Variants in NEGR1 observed in about 807,000 individuals in gnomAD.
NEGR1 encodes the protein IgLON family member 4.
In NEGR1, 10 loss-of-function variants were observed where a neutral mutation model predicts 40.9. That is an observed-to-expected ratio of 0.24 (90% CI 0.15 to 0.42). The LOEUF (loss-of-function observed/expected upper bound fraction) is 0.42, where lower values mean the gene tolerates loss of function less well. NEGR1 is among the 10% of genes least tolerant of loss of function. NEGR1 has a pLI of 1.00. For synonymous variants in NEGR1, 185 were observed against 166.8 expected (o/e 1.11, Z -0.84); for missense variants, 352 against 438.9 (o/e 0.80, Z 1.77).
In NEGR1 at chr1:71,930,754, C is replaced by A. The variant is rs1645847781; in HGVS notation, c.409+4325G>T. 3.3e-5 allele frequency among the ~76,000 whole-genome samples: 5 copies of A among 152,064 alleles called. No homozygotes were observed. In the South Asian group the frequency reaches 1.0e-3, roughly 31 times the overall value. Reference sequence around the variant, plus strand: ...GTGCAAGATGTTTATTAGGAAATATCCTTGTGATCAGCCGCTGGGGACGGA... The same window carrying A: ...GTGCAAGATGTTTATTAGGAAATATACTTGTGATCAGCCGCTGGGGACGGA... On this transcript the variant is annotated intron_variant, in intron 2 of 6. Transcript: ENST00000357731.
chr1:71,936,662 AG>A (rs893630740), intron 1 of NEGR1, among the ~76,000 whole-genome samples: 1 of 152,230 alleles, frequency 6.6e-6, no homozygotes, highest in Non-Finnish European at 1.5e-5. Flanking sequence ...ATATGGTAAA[AG>A]GCATGAGAGA....
At chr1:72,278,579 G>A (rs1367886529) in intron 1 of NEGR1, among the ~76,000 whole-genome samples, 1 of 151,956 alleles carries the variant, frequency 6.6e-6, no homozygotes, top group African/African-American at 2.4e-5. Context: ...TGAAATTTAT[G>A]TATTGTTCTA....
intron 6 of NEGR1, among the ~76,000 whole-genome samples, chr1:71,436,971 G>C (rs1646513867): frequency 6.6e-6 from 1 of 152,030 alleles, no homozygotes; most frequent in African/African-American, 2.4e-5. Context: ...CACCTGCATA[G>C]GGGCTTAGGG....
chr1:71,524,240 C>G (rs550215955), intron 6 of NEGR1, among the ~76,000 whole-genome samples: 1 of 150,988 alleles, frequency 6.6e-6, no homozygotes, highest in East Asian at 2.0e-4. Flanking sequence ...GTTATAGATG[C>G]CTTCTCTAAC....
chr1:71,779,748 T>A (rs1656635001), intron 2 of NEGR1, among the ~76,000 whole-genome samples: 1 of 151,948 alleles, frequency 6.6e-6, no homozygotes. Context: ...TCATATTTTT[T>A]AATAGAGATG....
intron 1 of NEGR1, among the ~76,000 whole-genome samples, chr1:72,135,404 C>CAAAAAAAAAAAA (rs562148946): frequency 1.5e-5 from 1 of 65,794 alleles, no homozygotes; most frequent in African/African-American, 7.9e-5. Context: ...AAACAAAAAA[C>CAAAAAAAAAAAA]AAAAAAAAAA....
chr1:72,281,397 CATGTGAGG>C (rs1293679552), intron 1 of NEGR1, among the ~76,000 whole-genome samples: 1 of 148,166 alleles, frequency 6.7e-6, no homozygotes, highest in African/African-American at 2.7e-5. Context: ...AGTGCCAGTG[CATGTGAGG>C]ATGTGAGAGT....
At chr1:72,101,688 T>C (rs564845177) in intron 1 of NEGR1, among the ~76,000 whole-genome samples, 2 of 152,218 alleles carry the variant, frequency 1.3e-5, no homozygotes, top group Non-Finnish European at 2.9e-5. Flanking sequence ...ATCACATAAC[T>C]GAGACCTTTG....
intron 1 of NEGR1, among the ~76,000 whole-genome samples, chr1:72,055,056 AAC>A (rs1216704669): frequency 6.6e-6 from 1 of 151,232 alleles, no homozygotes; most frequent in African/African-American, 2.4e-5. Flanking sequence ...TTAGCAAGTT[AAC>A]ACATTCAATA....
chr1:71,585,052 C>T (rs1182207494), intron 6 of NEGR1, among the ~76,000 whole-genome samples: 1 of 152,014 alleles, frequency 6.6e-6, no homozygotes, highest in East Asian at 1.9e-4. Flanking sequence ...AATGATTAGG[C>T]CAGCAGTGCT....
chr1:72,139,168 A>G (rs1172245670), intron 1 of NEGR1, among the ~76,000 whole-genome samples: 1 of 151,546 alleles, frequency 6.6e-6, no homozygotes, highest in East Asian at 1.9e-4. Context: ...GGGAAATTTT[A>G]TAGCATTAAT....
Position 72,105,141 on chromosome 1 carries a change from T to C in NEGR1, c.177-169830A>G, listed in dbSNP as rs956258146. 5.3e-5 allele frequency among the ~76,000 whole-genome samples: 8 copies of C among 152,122 alleles called. No homozygotes were observed. The South Asian group carries it at 1.7e-3, about 32-fold the overall frequency. On this transcript the variant is annotated intron_variant, in intron 1 of 6. Transcript: ENST00000357731. ...AGTTAAAGACAATAAATTCAATCTT[T>C]CCTGCCTCCAAACTATTCTCTATAC...
intron 6 of NEGR1, among the ~76,000 whole-genome samples, chr1:71,509,917 A>G (rs962706243): frequency 6.6e-6 from 1 of 152,234 alleles, no homozygotes; most frequent in Non-Finnish European, 1.5e-5. Context: ...CTTGTGCTAG[A>G]CATAATAATA....
intron 4 of NEGR1, among the ~76,000 whole-genome samples, chr1:71,627,346 G>A (rs1650820620): frequency 1.3e-5 from 2 of 152,006 alleles, no homozygotes; most frequent in Non-Finnish European, 2.9e-5. Context: ...AATATCACAT[G>A]TAACACTATA....
At chr1:72,005,230 C>T (rs1026087592) in intron 1 of NEGR1, among the ~76,000 whole-genome samples, 3 of 151,848 alleles carry the variant, frequency 2.0e-5, no homozygotes, top group South Asian at 2.1e-4. Context: ...GAGAACTAAG[C>T]GGGGATAGGG....
At chr1:71,702,008 A>T (rs971479881) in intron 3 of NEGR1, among the ~76,000 whole-genome samples, 12 of 152,068 alleles carry the variant, frequency 7.9e-5, no homozygotes, top group African/African-American at 2.9e-4. Flanking sequence ...TGGATAGATG[A>T]AATTATGGAA....
chr1:72,093,824 GGTTA>G (rs1379018796), intron 1 of NEGR1, among the ~76,000 whole-genome samples: 1 of 152,020 alleles, frequency 6.6e-6, no homozygotes, highest in Non-Finnish European at 1.5e-5. Flanking sequence ...CAATAGAAAA[GGTTA>G]GTTAATTAGT....
intron 3 of NEGR1, among the ~76,000 whole-genome samples, chr1:71,741,912 G>A (rs1391416341): frequency 6.6e-6 from 1 of 152,104 alleles, no homozygotes; most frequent in Non-Finnish European, 1.5e-5. Context: ...ACTCACGACT[G>A]TGAGGACAGT....
At chr1:71,975,517 A>G (rs978987939) in intron 1 of NEGR1, among the ~76,000 whole-genome samples, 2 of 152,218 alleles carry the variant, frequency 1.3e-5, no homozygotes, top group Non-Finnish European at 2.9e-5. Context: ...AAATGTAGAA[A>G]TCTGTAGCAT....
Sources: gnomAD v4.1 joint callset for allele counts (sites outside exome capture counted in the v4.1 genomes callset) on GRCh38, gnomAD v4.1.1 for gene constraint, MANE v1.5 for transcripts, NCBI Gene and HGNC (gene_info 2026-07-23, HGNC 2026-07-21) for gene names.